Variants in PRKAG2 observed in about 807,000 individuals in gnomAD.
PRKAG2 encodes the protein protein kinase AMP-activated non-catalytic subunit gamma 2, also known as 5'-AMP-activated protein kinase subunit gamma-2.
Under a neutral mutation model 69.6 loss-of-function variants are expected in PRKAG2, and 26 were observed. The ratio of observed to expected loss-of-function variants is 0.37; its 90% confidence interval spans 0.27 to 0.52. The LOEUF (loss-of-function observed/expected upper bound fraction) is 0.52. Ranked by LOEUF, PRKAG2 falls within the 20% of genes least tolerant of loss-of-function variation. The pLI is 0.90. For synonymous variants in PRKAG2, 293 were observed against 285.0 expected, an observed-to-expected ratio of 1.03 and a Z score of -0.28; for missense variants, 557 against 740.0, an observed-to-expected ratio of 0.75 and a Z score of 2.87.
chr7:151,743,734 G>C (rs143175524), intron 3 of PRKAG2, among the ~76,000 whole-genome samples: 1 of 152,228 alleles, frequency 6.6e-6, no homozygotes, highest in African/African-American at 2.4e-5. Flanking sequence ...CAGCAAGCCA[G>C]CTGCTGCTCC....
intron 6 of PRKAG2, among the ~76,000 whole-genome samples, chr7:151,594,695 C>T (rs1313428043): frequency 1.3e-5 from 2 of 152,182 alleles, no homozygotes; most frequent in African/African-American, 2.4e-5. Flanking sequence ...TAATGAACAG[C>T]TTAGGTTCTA....
At position 151,722,667 on chromosome 7, in the gene PRKAG2, C is replaced by T. The variant is rs1340698278; in HGVS notation, c.467-47030G>A. 2.0e-5 allele frequency among the ~76,000 whole-genome samples: 3 copies of T among 152,250 alleles called. No individual in the cohort carries two copies. In the East Asian group the frequency reaches 5.8e-4, roughly 29 times the overall value. ...GGACACACGGACATGCAGCCCCATG[C>T]TCTGCGAGGTTCGTGTGCAAGGGAA... On this transcript the variant is annotated intron_variant, in intron 3 of 15. Coordinates refer to ENST00000287878, the MANE Select transcript of PRKAG2 (RefSeq NM_016203.4).
chr7:151,568,107 G>A (rs80030285), intron 11 of PRKAG2, among the ~76,000 whole-genome samples: 15,392 of 152,218 alleles, frequency 0.1, 1,049 homozygotes, highest in Non-Finnish European at 0.15. Flanking sequence ...TGTTCTTCCT[G>A]AGTCTCTTTT....
rs376173303 is a variant in PRKAG2 at position 151,576,368 on chromosome 7, T to C, written c.946+3A>G. 121 of 1,595,558 alleles carry C rather than the reference T, an allele frequency of 7.6e-5. No homozygotes were observed. The African/African-American group carries it at 1.5e-3, about 20-fold the overall frequency. Reference sequence around the variant, plus strand: ...CGATTTTCCTCAGGCCCACACTGCTTACCTACAAAACTTTGTTTTTTACTC... The same window carrying C: ...CGATTTTCCTCAGGCCCACACTGCTCACCTACAAAACTTTGTTTTTTACTC... On this transcript the variant is annotated splice_donor_region_variant and intron_variant, in intron 7 of 15. Transcript: ENST00000287878.
intron 5 of PRKAG2, among the ~76,000 whole-genome samples, chr7:151,601,052 C>T (rs1376876290): frequency 6.6e-6 from 1 of 152,172 alleles, no homozygotes; most frequent in Non-Finnish European, 1.5e-5. Context: ...ATTAAACTCA[C>T]TTCCCTCACT....
chr7:151,793,809 A>G (rs983357428), intron 1 of PRKAG2, among the ~76,000 whole-genome samples: 7 of 152,266 alleles, frequency 4.6e-5, no homozygotes, highest in South Asian at 2.1e-4. Flanking sequence ...AGCCAGGTCA[A>G]TTGGAGCCTT....
At chr7:151,582,645 C>G (rs1283670624) in intron 6 of PRKAG2, among the ~76,000 whole-genome samples, 2 of 152,244 alleles carry the variant, frequency 1.3e-5, no homozygotes, top group Non-Finnish European at 2.9e-5. Flanking sequence ...GCTACACCTA[C>G]TGGACTTCAA....
intron 3 of PRKAG2, among the ~76,000 whole-genome samples, chr7:151,689,657 C>T (rs11978859): frequency 0.061 from 9,298 of 152,196 alleles, 725 homozygotes; most frequent in African/African-American, 0.18. Flanking sequence ...CGGCTGCAGC[C>T]GGTGGCAGAC....
chr7:151,778,432 T>A (rs1165866469), intron 3 of PRKAG2, among the ~76,000 whole-genome samples: 6 of 152,152 alleles, frequency 3.9e-5, no homozygotes, highest in Admixed American at 1.3e-4. Context: ...ATGAGCCAAA[T>A]AAACCTCTTC....
chr7:151,870,804 CG>C (rs993371479), intron 1 of PRKAG2, among the ~76,000 whole-genome samples: 1 of 152,220 alleles, frequency 6.6e-6, no homozygotes, highest in Non-Finnish European at 1.5e-5. Context: ...GGCCACGCGG[CG>C]GGGGGAGGCA....
rs188482840 is a variant in PRKAG2 at position 151,796,342 on chromosome 7, C to T, written c.115-9801G>A. Among the ~76,000 whole-genome samples, 196 of 152,216 alleles carry T rather than the reference C, an allele frequency of 1.3e-3. 1 individual carries two copies. The highest frequency in any genetic ancestry group is 4.4e-3 in the African/African-American group (184 of 41,536). On this transcript the variant is annotated intron_variant, in intron 1 of 15. Coordinates refer to ENST00000287878, the MANE Select transcript of PRKAG2 (RefSeq NM_016203.4). ...GAGACACCCACAGGCCCCAGCTGGA[C>T]GAGAGGACAAAGACGGATGTGAAGG...
intron 4 of PRKAG2, among the ~76,000 whole-genome samples, chr7:151,668,124 T>TG (rs1831312344): frequency 6.6e-6 from 1 of 152,236 alleles, no homozygotes; most frequent in Admixed American, 6.5e-5. Flanking sequence ...AATACCCTAC[T>TG]GCAGGGGTAT....
chr7:151,680,573 G>A (rs947152880), intron 3 of PRKAG2, among the ~76,000 whole-genome samples: 3 of 152,204 alleles, frequency 2.0e-5, no homozygotes, highest in African/African-American at 7.2e-5. Flanking sequence ...CCAGGGAAGG[G>A]AACAACTGGC....
At chr7:151,690,309 C>T (rs901137828) in intron 3 of PRKAG2, among the ~76,000 whole-genome samples, 4 of 152,172 alleles carry the variant, frequency 2.6e-5, no homozygotes, top group Admixed American at 6.5e-5. Context: ...GAGCTCGCTT[C>T]GCGGGGAGGG....
At chr7:151,562,635 T>G (rs1048535352) in intron 14 of PRKAG2, among the ~76,000 whole-genome samples, 1 of 152,176 alleles carries the variant, frequency 6.6e-6, no homozygotes, top group African/African-American at 2.4e-5. Context: ...TAGTTCACAT[T>G]TGTCTTCTAC....
chr7:151,859,445 A>G (rs2079863130), intron 1 of PRKAG2, among the ~76,000 whole-genome samples: 1 of 152,242 alleles, frequency 6.6e-6, no homozygotes, highest in African/African-American at 2.4e-5. Flanking sequence ...GCCAGGAATC[A>G]TGGTCTTCAG....
At chr7:151,702,625 C>T (rs766564040) in intron 3 of PRKAG2, among the ~76,000 whole-genome samples, 2 of 152,238 alleles carry the variant, frequency 1.3e-5, no homozygotes, top group Non-Finnish European at 2.9e-5. Context: ...CACCAGTTGG[C>T]AATGCATTCC....
intron 1 of PRKAG2, among the ~76,000 whole-genome samples, chr7:151,867,125 C>T (rs1033761151): frequency 1.3e-5 from 2 of 152,188 alleles, no homozygotes; most frequent in African/African-American, 2.4e-5. Context: ...CGCTGGGACC[C>T]CTTCCTGGGG....
chr7:151,557,678 T>C lies in PRKAG2; in HGVS notation c.1679-446A>G, dbSNP rs997803323. The C allele has an allele frequency of 5.4e-6, 3 of 560,532 alleles. No individual in the cohort carries two copies. In the South Asian group the frequency reaches 2.3e-4, roughly 44 times the overall value. The allele number at this position is 560,532 out of a possible 1,614,324, so 34.7% of individuals were successfully genotyped here. On this transcript the variant is annotated intron_variant, in intron 15 of 15. Transcript: ENST00000287878. ...TGAGATCAGGAGTTCAAGACCAGCC[T>C]GGCCAACATGGTGAAACCCTGTCTC...
Sources: allele counts gnomAD v4.1 joint callset (sites outside exome capture counted in the v4.1 genomes callset), GRCh38; gene constraint gnomAD v4.1.1; transcripts MANE v1.5; gene names NCBI Gene and HGNC (gene_info 2026-07-23, HGNC 2026-07-21).